Variants in DOK1 observed in about 807,000 individuals in gnomAD.
DOK1 encodes the protein Downstream of tyrosine kinase 1.
A neutral mutation model predicts 24.0 loss-of-function variants in DOK1; 12 were observed. The ratio of observed to expected loss-of-function variants is 0.50; its 90% confidence interval spans 0.32 to 0.81. DOK1 has a LOEUF of 0.81. Ranked by LOEUF, DOK1 falls within the 30% of genes least tolerant of loss-of-function variation. The pLI, the probability that DOK1 is intolerant of heterozygous loss-of-function variation, is 0.03. For synonymous variants in DOK1, 250 were observed against 260.9 expected, an observed-to-expected ratio of 0.96 and a Z score of 0.40; for missense variants, 591 against 620.7, an observed-to-expected ratio of 0.95 and a Z score of 0.51.
chr2:74,556,775 C>T lies in DOK1; in HGVS notation c.1107C>T (p.Ala369=). 6.2e-7 allele frequency: 1 copy of T among 1,614,150 alleles called. No homozygotes were observed. The highest frequency in any genetic ancestry group is 8.5e-7 in the Non-Finnish European group (1 of 1,180,018). Residue 369 remains alanine (A), a synonymous_variant, in exon 5 of 5, where the codon GCC becomes GCT. Coordinates refer to ENST00000233668, the MANE Select transcript of DOK1 (RefSeq NM_001381.5). The surrounding 1 kb of genome is among the most constrained non-coding windows in gnomAD (Gnocchi z 4.1). Reference sequence around the variant, plus strand: ...TCTATGATGAACCTGAGGGCCTGGCCCCAGTCCCTCCCCAGGGCCTTTATG... The same window carrying T: ...TCTATGATGAACCTGAGGGCCTGGCTCCAGTCCCTCCCCAGGGCCTTTATG... ...DPIYDEPEGL[A]PVPPQGLYDL...
At position 74,557,116 on chromosome 2, in the gene DOK1, A is replaced by G; in HGVS notation, c.*2A>G. ...GTCAAGTCAGAGGGCTCTACCTGAG[A>G]AGGACGGCAAGGCTGAGGTGGCTAA... On this transcript the variant is annotated 3_prime_UTR_variant, in exon 5 of 5. Transcript: ENST00000233668. 6.2e-7 allele frequency: 1 copy of G among 1,600,642 alleles called. No homozygotes were observed. Among genetic ancestry groups the G allele is most frequent in the Non-Finnish European group, 8.5e-7 (1 of 1,170,484 alleles).
chr2:74,550,089 C>T (rs1485727005), upstream of DOK1: 10 of 1,497,812 alleles, frequency 6.7e-6, no homozygotes, highest in Admixed American at 9.4e-5. Context: ...AAATGATCCC[C>T]CAGGGGTAAC....
Position 74,556,147 on chromosome 2 carries a change from T to C in DOK1, c.639+69T>C. The C allele has an allele frequency of 5.2e-6, 8 of 1,532,116 alleles. No individual in the cohort carries two copies. The Middle Eastern group carries it at 1.2e-3, about 239-fold the overall frequency. The allele number at this position is 1,532,116 out of a possible 1,614,324, so 94.9% of individuals were successfully genotyped here. ...GGGAGGGGTGGGGCAGGACAGAAAG[T>C]GGGAAGCTCTGACCTTTGGATCCCC... On this transcript the variant is annotated intron_variant, in intron 4 of 4. Coordinates refer to ENST00000233668, the MANE Select transcript of DOK1 (RefSeq NM_001381.5). This position sits in a 1 kb window ranked among gnomAD's most constrained non-coding sequence, Gnocchi z 4.1.
Position 74,549,640 on chromosome 2 carries a change from G to A in DOK1, c.-358+468G>A, listed in dbSNP as rs1676866217. Reference sequence around the variant, plus strand: ...CCCAGTGGCACCTTTCATGTGTCCCGCCGCCCTTAAGGAACCCTGCTTGGT... The same window carrying A: ...CCCAGTGGCACCTTTCATGTGTCCCACCGCCCTTAAGGAACCCTGCTTGGT... On this transcript the variant is annotated intron_variant, in intron 1 of 4. Coordinates refer to the DOK1 transcript ENST00000409429. This position sits in a 1 kb window ranked among gnomAD's most constrained non-coding sequence, Gnocchi z 5.3. The A allele has an allele frequency of 1.0e-5, 16 of 1,540,406 alleles. No homozygotes were observed. The South Asian group carries it at 1.6e-4, about 15-fold the overall frequency.
Position 74,556,306 on chromosome 2 carries a change from A to T in DOK1, c.640-2A>T. On this transcript the variant is annotated splice_acceptor_variant, in intron 4 of 4. Transcript: ENST00000233668. LOFTEE classifies it high-confidence loss of function. This position sits in a 1 kb window ranked among gnomAD's most constrained non-coding sequence, Gnocchi z 4.1. ...ATGTGTTTCCCCCTCTACCCTCCTT[A>T]GGTCATGTTCTCTTTCGAGGCCGGC... 1.2e-6 allele frequency: 2 copies of T among 1,610,804 alleles called. No homozygotes were observed. Among genetic ancestry groups the T allele is most frequent in the Non-Finnish European group, 1.7e-6 (2 of 1,178,248 alleles).
Position 74,556,577 on chromosome 2 carries a change from G to A in DOK1, c.909G>A (p.Leu303=), listed in dbSNP as rs1428379141. ...PALYAEPLDS[L]RIAPCPSQDS... is the part of the protein sequence containing the mutation. Reference sequence around the variant, plus strand: ...TGTATGCTGAGCCCTTAGACTCCCTGCGCATTGCTCCATGCCCTTCCCAGG... The same window carrying A: ...TGTATGCTGAGCCCTTAGACTCCCTACGCATTGCTCCATGCCCTTCCCAGG... The change falls in exon 5 of 5, where the codon CTG becomes CTA. Residue 303 remains leucine, a synonymous_variant. Coordinates refer to ENST00000233668, the MANE Select transcript of DOK1 (RefSeq NM_001381.5). This position sits in a 1 kb window ranked among gnomAD's most constrained non-coding sequence, Gnocchi z 4.1. The A allele has an allele frequency of 6.2e-7, 1 of 1,614,206 alleles. No individual in the cohort carries two copies. Among genetic ancestry groups the A allele is most frequent in the East Asian group, 2.2e-5 (1 of 44,884 alleles).
rs573575519 is a variant in DOK1, at chr2:74,549,265, C to G, written c.-358+93C>G. ...CATATTTTCCCGCGCGTCCCGACCC[C>G]CGGGTCCTCCCGTGCCCCGGACCTG... On this transcript the variant is annotated intron_variant, in intron 1 of 4. Transcript: ENST00000409429. This position sits in a 1 kb window ranked among gnomAD's most constrained non-coding sequence, Gnocchi z 5.3. 1.1e-4 allele frequency: 149 copies of G among 1,317,522 alleles called. 3 individuals are homozygous for G. In the South Asian group the frequency reaches 2.3e-3, roughly 21 times the overall value. 81.6% of individuals were successfully genotyped at this position (1,317,522 alleles called of 1,614,324 possible). A position where few individuals can be genotyped will look rare whatever the true frequency, so the allele number is the denominator to read the frequency against.
upstream of DOK1, chr2:74,553,028 A>C: frequency 5.0e-6 from 1 of 200,350 alleles, no homozygotes; most frequent in East Asian, 1.2e-4. Flanking sequence ...CCAGAAAGAC[A>C]CAGAGGAGAG....
At position 74,556,454 on chromosome 2, in the gene DOK1, C is replaced by T. The variant is rs766283815; in HGVS notation, c.786C>T (p.His262=). The change falls in exon 5 of 5, where the codon CAC becomes CAT. Residue 262 remains histidine (H), a synonymous_variant. Coordinates refer to ENST00000233668, the MANE Select transcript of DOK1 (RefSeq NM_001381.5). The surrounding 1 kb of genome is among the most constrained non-coding windows in gnomAD (Gnocchi z 4.1). ...QKAQGKAGQG[H]DVLRADSHEG... The stretch of plus-strand genomic sequence containing the variant: ...CCCAGGGAAAGGCCGGACAGGGGCA[C>T]GATGTTCTCAGAGCTGACTCCCATG... 3 of 1,614,170 alleles carry T rather than the reference C, an allele frequency of 1.9e-6. No homozygotes were observed. Among genetic ancestry groups the T allele is most frequent in the South Asian group, 1.1e-5 (1 of 91,080 alleles).
At chr2:74,551,716 G>C (rs1437811506), upstream of DOK1, among the ~76,000 whole-genome samples, 1 of 152,254 alleles carries the variant, frequency 6.6e-6, no homozygotes, top group Non-Finnish European at 1.5e-5. Flanking sequence ...GGGAACTGGG[G>C]AATCAGCTGC....
chr2:74,550,489 C>T (rs934245817), upstream of DOK1: 84 of 887,976 alleles, frequency 9.5e-5, no homozygotes, highest in Middle Eastern at 2.7e-4. Flanking sequence ...GGGGTGGAGA[C>T]GGGACAGGGG....
At chr2:74,553,019 C>T, upstream of DOK1, 1 of 213,812 alleles carries the variant, frequency 4.7e-6, no homozygotes, top group Admixed American at 5.5e-5. Context: ...GAGAGAAAAC[C>T]AGAAAGACAC....
At position 74,549,196 on chromosome 2, in the gene DOK1, T is replaced by C; in HGVS notation, c.-358+24T>C. 1.5e-6 allele frequency: 1 copy of C among 684,842 alleles called. No homozygotes were observed. The highest frequency in any genetic ancestry group is 2.4e-5 in the South Asian group (1 of 40,864). 42.4% of individuals were successfully genotyped at this position (684,842 alleles called of 1,614,324 possible). On this transcript the variant is annotated intron_variant, in intron 1 of 4. Transcript: ENST00000409429. The surrounding 1 kb of genome is among the most constrained non-coding windows in gnomAD (Gnocchi z 5.3). Reference sequence around the variant, plus strand: ...AGGTACTCCCTTGGGGCACCTTTCGTGGTCCCACAAGATTTCCCAACTCTC... The same window carrying C: ...AGGTACTCCCTTGGGGCACCTTTCGCGGTCCCACAAGATTTCCCAACTCTC...
upstream of DOK1, chr2:74,552,755 G>C: frequency 6.6e-6 from 6 of 908,906 alleles, 1 homozygote; most frequent in South Asian, 1.1e-4. Context: ...GAGTAAGACA[G>C]AGACAGCGAG....
chr2:74,549,763 G>A, upstream of DOK1: 1 of 1,430,482 alleles, frequency 7.0e-7, no homozygotes, highest in Non-Finnish European at 9.1e-7. This position sits in a 1 kb window ranked among gnomAD's most constrained non-coding sequence, Gnocchi z 5.3. Context: ...CTTGCAGCCA[G>A]CAGCGCGTGG....
At position 74,549,259 on chromosome 2, in the gene DOK1, C is replaced by T. The variant is rs1573024928; in HGVS notation, c.-358+87C>T. 1 of 1,276,914 alleles carries T rather than the reference C, an allele frequency of 7.8e-7. No individual in the cohort carries two copies. The highest frequency in any genetic ancestry group is 1.0e-6 in the Non-Finnish European group (1 of 964,002). 79.1% of individuals were successfully genotyped at this position (1,276,914 alleles called of 1,614,324 possible). Reference sequence around the variant, plus strand: ...GGCCTCCATATTTTCCCGCGCGTCCCGACCCCCGGGTCCTCCCGTGCCCCG... The same window carrying T: ...GGCCTCCATATTTTCCCGCGCGTCCTGACCCCCGGGTCCTCCCGTGCCCCG... On this transcript the variant is annotated intron_variant, in intron 1 of 4. Coordinates refer to the DOK1 transcript ENST00000409429. The surrounding 1 kb of genome is among the most constrained non-coding windows in gnomAD (Gnocchi z 5.3).
chr2:74,555,548 C>G lies in DOK1; in HGVS notation c.361-27C>G, dbSNP rs376579870. 1 of 1,613,032 alleles carries G rather than the reference C, an allele frequency of 6.2e-7. No individual in the cohort carries two copies. The highest frequency in any genetic ancestry group is 1.7e-5 in the Admixed American group (1 of 59,972). ...CCCCCGCTCCCCGCTGAGGAAATTA[C>G]GGGTTTCTCGATGCTCTCTACTACA... On this transcript the variant is annotated intron_variant, in intron 2 of 4. Coordinates refer to ENST00000233668, the MANE Select transcript of DOK1 (RefSeq NM_001381.5). The surrounding 1 kb of genome is among the most constrained non-coding windows in gnomAD (Gnocchi z 6.1).
chr2:74,552,703 G>C (rs1275507914), upstream of DOK1: 4 of 1,394,054 alleles, frequency 2.9e-6, no homozygotes, highest in Non-Finnish European at 3.8e-6. Context: ...GGGGCCCAGA[G>C]TCAGAAAGAG....
chr2:74,557,257 T>TCTC lies in DOK1; in HGVS notation c.*144_*145insTCC. Reference sequence around the variant, plus strand: ...CCAGGGGACCAGAGGGATGGGAGAGTCAAGGGAAGGACAATCCCAGGAAGT... The same window carrying TCTC: ...CCAGGGGACCAGAGGGATGGGAGAGTCTCCAAGGGAAGGACAATCCCAGGAAGT... On this transcript the variant is annotated 3_prime_UTR_variant, in exon 5 of 5. Coordinates refer to ENST00000233668, the MANE Select transcript of DOK1 (RefSeq NM_001381.5). The TCTC allele has an allele frequency of 1.2e-6, 1 of 846,148 alleles. No individual in the cohort carries two copies. Among genetic ancestry groups the TCTC allele is most frequent in the Non-Finnish European group, 1.8e-6 (1 of 564,118 alleles). The allele number at this position is 846,148 out of a possible 1,614,324, so 52.4% of individuals were successfully genotyped here.
Sources: gnomAD v4.1 joint callset for allele counts (sites outside exome capture counted in the v4.1 genomes callset) on GRCh38, gnomAD v4.1.1 for gene constraint, Gnocchi (gnomAD v3.1) non-coding constraint, MANE v1.5 for transcripts, NCBI Gene and HGNC (gene_info 2026-07-23, HGNC 2026-07-21) for gene names.